TP63: variants seen among roughly 807,000 people sequenced by gnomAD.
TP63 encodes the protein tumor protein 63.
TP63 carries 17 observed loss-of-function variants against 82.8 expected under a neutral mutation model. That is an observed-to-expected ratio of 0.21 (90% CI 0.14 to 0.31). TP63 has a LOEUF of 0.31. TP63 is among the 10% of genes least tolerant of loss of function. The pLI is 1.00. For synonymous variants in TP63, 330 were observed against 321.7 expected (o/e 1.03, Z -0.28); for missense variants, 648 against 895.3 (o/e 0.72, Z 3.52).
At chr3:189,623,219 T>C in the TP63 span, among the ~76,000 whole-genome samples, 2 of 152,202 alleles carry the variant, frequency 1.3e-5, no homozygotes, top group South Asian at 4.1e-4. Context: ...GACTTCCTGA[T>C]GATCAGTACC....
At chr3:189,724,807 C>T (rs144326531) in intron 1 of TP63, among the ~76,000 whole-genome samples, 1 of 152,238 alleles carries the variant, frequency 6.6e-6, no homozygotes, top group Non-Finnish European at 1.5e-5. Flanking sequence ...TGTTCCAGGC[C>T]TTGGGGGATG....
chr3:189,727,889 A>G (rs1719883173), intron 1 of TP63, among the ~76,000 whole-genome samples: 1 of 152,242 alleles, frequency 6.6e-6, no homozygotes, highest in South Asian at 2.1e-4. Context: ...TGCTAAAATG[A>G]CATTTTAAAC....
At chr3:189,879,967 T>A in intron 10 of TP63, 3 of 1,487,092 alleles carry the variant, frequency 2.0e-6, no homozygotes, top group East Asian at 2.4e-5. Flanking sequence ...TATACTATGA[T>A]CATGAAGGTA....
At chr3:189,732,946 A>T (rs79812879) in intron 1 of TP63, among the ~76,000 whole-genome samples, 4,210 of 152,316 alleles carry the variant, frequency 0.028, 123 homozygotes, top group East Asian at 0.14. Flanking sequence ...TTAAATTAGG[A>T]ACTAGGAAGT....
intron 1 of TP63, among the ~76,000 whole-genome samples, chr3:189,647,398 G>A (rs545395395): frequency 1.2e-4 from 17 of 146,968 alleles, no homozygotes; most frequent in South Asian, 9.0e-4. Flanking sequence ...TCTAAGTTTC[G>A]TGATGAACAG....
rs371129754 is a variant in TP63, at chr3:189,880,985, A to G, written c.1350-5409A>G. On this transcript the variant is annotated intron_variant, in intron 10 of 13. Transcript: ENST00000264731. Reference sequence around the variant, plus strand: ...CAGGTGAACTCATTTTGTGCTTTTAATAGAAAGACAAATCCACCCCAGTAA... The same window carrying G: ...CAGGTGAACTCATTTTGTGCTTTTAGTAGAAAGACAAATCCACCCCAGTAA... 1.6e-4 allele frequency: 159 copies of G among 985,414 alleles called. No homozygotes were observed. The African/African-American group carries it at 2.7e-3, about 17-fold the overall frequency. 61.0% of individuals were successfully genotyped at this position (985,414 alleles called of 1,614,324 possible). A position where few individuals can be genotyped will look rare whatever the true frequency, so the allele number is the denominator to read the frequency against.
chr3:189,785,577 G>A (rs980877670), intron 3 of TP63, among the ~76,000 whole-genome samples: 7 of 151,932 alleles, frequency 4.6e-5, no homozygotes, highest in East Asian at 1.9e-4. Context: ...TGAATATATC[G>A]GGAAAGCAAA....
At chr3:189,762,002 G>A (rs1271782089) in intron 3 of TP63, among the ~76,000 whole-genome samples, 1 of 152,190 alleles carries the variant, frequency 6.6e-6, no homozygotes, top group Non-Finnish European at 1.5e-5. Context: ...CTTCCACAGG[G>A]TGTCTCCCAC....
chr3:189,637,740 C>T (rs574323416), intron 1 of TP63, among the ~76,000 whole-genome samples: 5 of 152,154 alleles, frequency 3.3e-5, no homozygotes, highest in South Asian at 2.1e-4. Context: ...ATAATAGTCT[C>T]GAAAGATAGC....
intron 3 of TP63, among the ~76,000 whole-genome samples, chr3:189,800,816 G>A (rs532212557): frequency 6.6e-6 from 1 of 152,170 alleles, no homozygotes; most frequent in African/African-American, 2.4e-5. Context: ...AACTCCGTAA[G>A]AGAATTAATA....
At chr3:189,675,425 T>C (rs1043993346) in intron 1 of TP63, among the ~76,000 whole-genome samples, 1 of 152,038 alleles carries the variant, frequency 6.6e-6, no homozygotes, top group Non-Finnish European at 1.5e-5. Flanking sequence ...TATAAAAATA[T>C]AAGGAGGTCA....
intron 1 of TP63, among the ~76,000 whole-genome samples, chr3:189,646,550 A>G (rs375264747): frequency 6.8e-6 from 1 of 147,284 alleles, no homozygotes; most frequent in East Asian, 2.4e-4. Flanking sequence ...AATATTCAAT[A>G]AATGTCTAAT....
chr3:189,842,576 G>GCAA (rs1291281840), intron 4 of TP63, among the ~76,000 whole-genome samples: 115 of 152,292 alleles, frequency 7.6e-4, no homozygotes, highest in African/African-American at 2.6e-3. Flanking sequence ...GTCCAGGTTT[G>GCAA]TTTTATTGAG....
intron 1 of TP63, among the ~76,000 whole-genome samples, chr3:189,636,381 A>C (rs1305733588): frequency 1.3e-5 from 2 of 152,100 alleles, no homozygotes; most frequent in Admixed American, 1.3e-4. Flanking sequence ...CTCATGAGTT[A>C]AGTAGGGATA....
At chr3:189,788,056 A>G (rs1724755265) in intron 3 of TP63, among the ~76,000 whole-genome samples, 1 of 151,192 alleles carries the variant, frequency 6.6e-6, no homozygotes, top group Non-Finnish European at 1.5e-5. Context: ...CACATTGTAC[A>G]AAAAATTATA....
intron 1 of TP63, among the ~76,000 whole-genome samples, chr3:189,633,800 T>G (rs1202339599): frequency 3.3e-5 from 5 of 152,118 alleles, no homozygotes; most frequent in Non-Finnish European, 7.4e-5. Flanking sequence ...ATTAAGGTGA[T>G]GAAACATAGC....
In TP63 at chr3:189,889,393, C is replaced by T; in HGVS notation, c.1561C>T (p.Pro521Ser). The T allele has an allele frequency of 4.3e-6, 7 of 1,614,142 alleles. No homozygotes were observed. The highest frequency in any genetic ancestry group is 1.1e-5 in the South Asian group (1 of 91,086). ...PMAGDMNGLS[P>S]TQALPPPLSM... Reference sequence around the variant, plus strand: ...GGCTGGAGACATGAATGGACTCAGCCCCACCCAGGCACTCCCTCCCCCACT... The same window carrying T: ...GGCTGGAGACATGAATGGACTCAGCTCCACCCAGGCACTCCCTCCCCCACT... Residue 521 changes from proline (P) to serine (S), a missense_variant, in exon 12 of 14, where the codon CCC (proline) becomes TCC (serine). By Grantham distance (74) the Pro-to-Ser change is moderately conservative (BLOSUM62 -1). This residue lies in a region of TP63 where 342 missense variants were observed against 425.7 expected (regional missense o/e 0.80). Coordinates refer to ENST00000264731, the MANE Select transcript of TP63 (RefSeq NM_003722.5).
chr3:189,743,503 A>ACACAC (rs1721148347), intron 3 of TP63, among the ~76,000 whole-genome samples: 1 of 150,764 alleles, frequency 6.6e-6, no homozygotes, highest in African/African-American at 2.4e-5. Flanking sequence ...TACAAACACA[A>ACACAC]ACACACACAC....
intron 4 of TP63, among the ~76,000 whole-genome samples, chr3:189,849,287 T>G (rs1715332919): frequency 6.6e-6 from 1 of 152,198 alleles, no homozygotes; most frequent in African/African-American, 2.4e-5. Flanking sequence ...AAACCCAAAT[T>G]GGGGTCATGG....
Sources: gnomAD v4.1 joint callset for allele counts (sites outside exome capture counted in the v4.1 genomes callset) on GRCh38, gnomAD v4.1.1 for gene constraint, gnomAD v4.1.1 regional missense constraint, MANE v1.5 for transcripts, NCBI Gene and HGNC (gene_info 2026-07-23, HGNC 2026-07-21) for gene names.